The following PLA2G6 variants were observed in gnomAD, a reference collection of about 807,000 sequenced individuals.
PLA2G6 encodes the protein phospholipase A2 group VI, also known as 85/88 kDa calcium-independent phospholipase A2.
PLA2G6 carries 62 observed loss-of-function variants against 83.8 expected under a neutral mutation model. That is an observed-to-expected ratio of 0.74 (90% CI 0.60 to 0.91). The LOEUF is 0.91. PLA2G6 is among the 40% of genes least tolerant of loss of function. The pLI, the probability that PLA2G6 is intolerant of heterozygous loss-of-function variation, is 0.00. For missense variants in PLA2G6, 944 were observed against 1,102.0 expected, an observed-to-expected ratio of 0.86 and a Z score of 2.03; for synonymous variants, 417 against 449.8, an observed-to-expected ratio of 0.93 and a Z score of 0.92.
intron 1 of PLA2G6, among the ~76,000 whole-genome samples, chr22:38,175,650 G>A (rs1272065755): frequency 6.6e-6 from 1 of 152,154 alleles, no homozygotes; most frequent in Non-Finnish European, 1.5e-5. Flanking sequence ...ATACAGCTCA[G>A]GTGCCATCTC....
At chr22:38,112,903 C>T (rs1459314450) in intron 15 of PLA2G6, 15 of 496,344 alleles carry the variant, frequency 3.0e-5, no homozygotes, top group Non-Finnish European at 5.1e-5. Context: ...CTCTCTCTCT[C>T]TCTCTTTCTT....
At chr22:38,160,512 A>C (rs1254173158) in intron 2 of PLA2G6, among the ~76,000 whole-genome samples, 1 of 152,228 alleles carries the variant, frequency 6.6e-6, no homozygotes, top group African/African-American at 2.4e-5. Flanking sequence ...AAAACGTATC[A>C]ATCTCGCCAA....
intron 6 of PLA2G6, chr22:38,134,401 A>G (rs1209281129): frequency 1.3e-5 from 2 of 152,464 alleles, no homozygotes; most frequent in Admixed American, 1.3e-4. Context: ...CTCTACTAAA[A>G]ATACAAAAAA....
rs57712042 is a variant in PLA2G6 at position 38,116,851 on chromosome 22, C to CAAAAAAAAAAAAAAAA, written c.1743-656_1743-641dup. On this transcript the variant is annotated intron_variant, in intron 12 of 16. Transcript: ENST00000332509. ...GGGCGATAAGAGTGAAACTCCGTCT[C>CAAAAAAAAAAAAAAAA]AAAAAAAAAAAAAAAAAAAAAAAAA... Among the ~76,000 whole-genome samples, 46 of 37,660 alleles carry CAAAAAAAAAAAAAAAA rather than the reference C, an allele frequency of 1.2e-3. 1 individual carries two copies. The highest frequency in any genetic ancestry group is 1.8e-3 in the Non-Finnish European group (35 of 19,870). 24.7% of individuals were successfully genotyped at this position (37,660 alleles called of 152,430 possible).
chr22:38,123,666 G>C lies in PLA2G6; in HGVS notation c.1428-408C>G, dbSNP rs1472877393. 1.3e-5 allele frequency among the ~76,000 whole-genome samples: 2 copies of C among 152,122 alleles called. No individual in the cohort carries two copies. The highest frequency in any genetic ancestry group is 2.9e-5 in the Non-Finnish European group (2 of 68,026). On this transcript the variant is annotated intron_variant, in intron 10 of 16. Coordinates refer to ENST00000332509, the MANE Select transcript of PLA2G6 (RefSeq NM_003560.4). This position sits in a 1 kb window ranked among gnomAD's most constrained non-coding sequence, Gnocchi z 4.1. ...GGCGGGGACCCTACAGCCAGGCCAG[G>C]AATGGGCAGTGACAGAGTATCAGGG...
intron 2 of PLA2G6, among the ~76,000 whole-genome samples, chr22:38,157,012 T>TAC (rs796403355): frequency 1.6e-4 from 24 of 152,238 alleles, no homozygotes; most frequent in Middle Eastern, 3.4e-3. Context: ...TATAAGCACC[T>TAC]ACATCAAGTA....
At chr22:38,149,385 T>C (rs202211846) in intron 2 of PLA2G6, 1 of 152,276 alleles carries the variant, frequency 6.6e-6, no homozygotes, top group East Asian at 1.9e-4. Context: ...ATTTAGAATT[T>C]TGGTGAAGAG....
At chr22:38,180,602 C>G (rs1189051562) in intron 1 of PLA2G6, among the ~76,000 whole-genome samples, 1 of 152,174 alleles carries the variant, frequency 6.6e-6, no homozygotes, top group Non-Finnish European at 1.5e-5. Flanking sequence ...CAAGGGACCT[C>G]CTGCTCATCC....
At chr22:38,116,236 C>A (rs1346811544) in intron 12 of PLA2G6, 25 bp from the exon 13 acceptor site, 1 of 1,613,394 alleles carries the variant, frequency 6.2e-7, no homozygotes, top group Non-Finnish European at 8.5e-7. Context: ...GGCAGGAGGA[C>A]GGCTGAGCCA....
At chr22:38,134,967 C>T (rs1383727575) in intron 6 of PLA2G6, 21 bp downstream of exon 6, 1 of 1,343,884 alleles carries the variant, frequency 7.4e-7, no homozygotes, top group Non-Finnish European at 1.1e-6. Context: ...GCCCCACCCA[C>T]CCACCTCAGG....
intron 2 of PLA2G6, chr22:38,146,947 T>C (rs1358031864): frequency 1.3e-5 from 2 of 152,160 alleles, no homozygotes; most frequent in African/African-American, 2.4e-5. Flanking sequence ...GCCCGGCTAA[T>C]TTTTTGTATT....
chr22:38,145,371 G>A lies in PLA2G6; in HGVS notation c.425+67C>T, dbSNP rs983161384. 1.4e-4 allele frequency: 183 copies of A among 1,325,730 alleles called. No homozygotes were observed. In the East Asian group the frequency reaches 1.5e-3, roughly 11 times the overall value. The allele number at this position is 1,325,730 out of a possible 1,614,324, so 82.1% of individuals were successfully genotyped here. ...AAACTATGGAGGGGAACCGAGGCCTGCGGCCCCCACTGCCCACACAAGCAG... is the reference window on the plus strand; with the variant it reads ...AAACTATGGAGGGGAACCGAGGCCTACGGCCCCCACTGCCCACACAAGCAG... On this transcript the variant is annotated intron_variant, in intron 3 of 16. Transcript: ENST00000332509.
intron 2 of PLA2G6, among the ~76,000 whole-genome samples, chr22:38,168,371 T>C (rs1415519360): frequency 6.6e-6 from 1 of 152,242 alleles, no homozygotes; most frequent in Non-Finnish European, 1.5e-5. Flanking sequence ...ATTTGGAACC[T>C]TGGCTGCTTC....
intron 4 of PLA2G6, chr22:38,140,474 C>G: frequency 2.6e-6 from 1 of 377,674 alleles, no homozygotes; most frequent in Admixed American, 3.8e-5. Context: ...CATCATTGCA[C>G]TCTAGCCTGG....
rs555233861 is a variant in PLA2G6 at position 38,132,776 on chromosome 22, C to T, written c.1077+55G>A. 221 of 1,462,300 alleles carry T rather than the reference C, an allele frequency of 1.5e-4. 1 individual carries two copies. In the African/African-American group the frequency reaches 2.6e-3, roughly 17 times the overall value. The allele number at this position is 1,462,300 out of a possible 1,614,324, so 90.6% of individuals were successfully genotyped here. On this transcript the variant is annotated intron_variant, in intron 7 of 16. Transcript: ENST00000332509. The surrounding 1 kb of genome is among the most constrained non-coding windows in gnomAD (Gnocchi z 5.0). ...GGAGGAGGGCTCCAGTCCGGACAGC[C>T]CTCCTGCATTCCCACCGGGGCCCCA...
At chr22:38,165,224 C>T (rs540212286) in intron 2 of PLA2G6, among the ~76,000 whole-genome samples, 3 of 152,336 alleles carry the variant, frequency 2.0e-5, no homozygotes, top group African/African-American at 4.8e-5. Flanking sequence ...TAATATATCA[C>T]ATTCATTTGT....
rs370873601 is a variant in PLA2G6, at chr22:38,128,362, G to C, written c.1255C>G (p.His419Asp). 2 of 1,613,924 alleles carry C rather than the reference G, an allele frequency of 1.2e-6. No individual in the cohort carries two copies. Among genetic ancestry groups the C allele is most frequent in the East Asian group, 2.2e-5 (1 of 44,884 alleles). Reference sequence around the variant, plus strand: ...GAGCCCTGCTCCGCGGGGACCCCGTGGATGGGTGGGAAGCAGTATTCGGCC... The same window carrying C: ...GAGCCCTGCTCCGCGGGGACCCCGTCGATGGGTGGGAAGCAGTATTCGGCC... ...VGAEYCFPPI[H>D]GVPAEQGSAA... is the part of the protein sequence containing the mutation. The change falls in exon 9 of 17, where the codon CAC (histidine) becomes GAC (aspartate). Residue 419 changes from histidine to aspartate, a missense_variant. By Grantham distance (81) the His-to-Asp change is moderately conservative. Coordinates refer to ENST00000332509, the MANE Select transcript of PLA2G6 (RefSeq NM_003560.4). The surrounding 1 kb of genome is among the most constrained non-coding windows in gnomAD (Gnocchi z 4.4).
Position 38,142,961 on chromosome 22 carries a change from A to C in PLA2G6, c.609+144T>G, listed in dbSNP as rs1172111502. 1.2e-5 allele frequency: 10 copies of C among 807,128 alleles called. No individual in the cohort carries two copies. The Admixed American group carries it at 1.7e-4, about 14-fold the overall frequency. The allele number at this position is 807,128 out of a possible 1,614,324, so 50.0% of individuals were successfully genotyped here. ...AGGGAAGAGCCAGGGAGGGGTCTGC[A>C]CCCTCCATGAAGGAGCTCAGGCCTC... On this transcript the variant is annotated intron_variant, in intron 4 of 16. Transcript: ENST00000332509.
intron 14 of PLA2G6, among the ~76,000 whole-genome samples, chr22:38,114,626 G>C (rs111515726): frequency 6.6e-6 from 1 of 152,180 alleles, no homozygotes; most frequent in South Asian, 2.1e-4. Context: ...ACAGTCTGAC[G>C]GTCTCTGCCG....
Sources: gnomAD v4.1 joint callset for allele counts (sites outside exome capture counted in the v4.1 genomes callset) on GRCh38, gnomAD v4.1.1 for gene constraint, Gnocchi (gnomAD v3.1) non-coding constraint, MANE v1.5 for transcripts, NCBI Gene and HGNC (gene_info 2026-07-23, HGNC 2026-07-21) for gene names.